Variants in PDS5B observed in about 807,000 individuals in gnomAD.
The protein encoded by PDS5B is sister chromatid cohesion protein PDS5 homolog B.
In PDS5B, 51 loss-of-function variants were observed where a neutral mutation model predicts 184.1. The observed-to-expected ratio is 0.28, with a 90% confidence interval of 0.22 to 0.35. PDS5B has a LOEUF of 0.35. PDS5B is among the 10% of genes least tolerant of loss of function. The pLI is 1.00. For missense variants in PDS5B, 1,180 were observed against 1,723.3 expected (o/e 0.68, Z 5.58); for synonymous variants, 566 against 569.2 (o/e 0.99, Z 0.08).
chr13:32,676,108 T>C, intron 9 of PDS5B, 149 bp downstream of exon 9: 1 of 562,904 alleles, frequency 1.8e-6, no homozygotes, highest in Non-Finnish European at 3.2e-6. Context: ...TGTTAATGAC[T>C]GGCTATATTT....
intron 24 of PDS5B, 71 bp from the exon 25 acceptor site, chr13:32,753,260 CA>C: frequency 1.6e-6 from 2 of 1,282,782 alleles, no homozygotes; most frequent in Non-Finnish European, 2.2e-6. Context: ...CTTAAAATAG[CA>C]AATTTTATAT....
In PDS5B at chr13:32,770,281, A is replaced by G; in HGVS notation, c.3785A>G (p.Gln1262Arg). ...RGHTASESDE[Q>R]QWPEEKRLKE... ...CATACGGCTTCAGAATCTGATGAAC[A>G]GCAGTGGCCTGAGGAAAAGAGGCTC... The change falls in exon 32 of 35, where the codon CAG becomes CGG. Residue 1262 changes from glutamine (Q) to arginine (R), a missense_variant. Transcript: ENST00000315596. 1 of 1,614,102 alleles carries G rather than the reference A, an allele frequency of 6.2e-7. No homozygotes were observed. The highest frequency in any genetic ancestry group is 8.5e-7 in the Non-Finnish European group (1 of 1,180,016).
At chr13:32,601,425 G>A (rs1195049652) in intron 1 of PDS5B, among the ~76,000 whole-genome samples, 1 of 152,152 alleles carries the variant, frequency 6.6e-6, no homozygotes, top group Non-Finnish European at 1.5e-5. Flanking sequence ...ATAAGAATAG[G>A]TTATTTGATG....
At chr13:32,599,178 TATAAC>T (rs775539869) in intron 1 of PDS5B, among the ~76,000 whole-genome samples, 2 of 152,262 alleles carry the variant, frequency 1.3e-5, no homozygotes, top group Non-Finnish European at 2.9e-5. Context: ...GTCATATAAA[TATAAC>T]ATTCATATTG....
chr13:32,612,870 C>G (rs985384697), intron 1 of PDS5B, among the ~76,000 whole-genome samples: 1 of 152,180 alleles, frequency 6.6e-6, no homozygotes, highest in African/African-American at 2.4e-5. Flanking sequence ...AATTTTCATT[C>G]ATTATGAATT....
chr13:32,750,821 C>G (rs897158243), intron 24 of PDS5B, among the ~76,000 whole-genome samples: 1 of 150,450 alleles, frequency 6.6e-6, no homozygotes, highest in African/African-American at 2.5e-5. Context: ...GAATTTCAGG[C>G]GTGAGCCACT....
At chr13:32,610,219 A>G (rs1222107195) in intron 1 of PDS5B, among the ~76,000 whole-genome samples, 1 of 152,230 alleles carries the variant, frequency 6.6e-6, no homozygotes, top group African/African-American at 2.4e-5. Flanking sequence ...AGGTACGTAT[A>G]GGTAATACTT....
At chr13:32,686,238 A>G (rs1275671622) in intron 11 of PDS5B, among the ~76,000 whole-genome samples, 1 of 152,236 alleles carries the variant, frequency 6.6e-6, no homozygotes, top group Admixed American at 6.5e-5. Flanking sequence ...CACTGTAACA[A>G]ATATACACTT....
At chr13:32,736,305 T>A (rs1953327105) in intron 21 of PDS5B, among the ~76,000 whole-genome samples, 1 of 152,116 alleles carries the variant, frequency 6.6e-6, no homozygotes, top group Non-Finnish European at 1.5e-5. Context: ...TTTTTTTTAG[T>A]TTGGATTTCC....
At position 32,628,604 on chromosome 13, in the gene PDS5B, AT is replaced by A. The variant is rs201681931; in HGVS notation, c.-19-20141del. ...ACTTCCCATTAATTTAATTATGTAG[AT>A]TTTTTTTTGGTGTTTTTTATTGCCC... On this transcript the variant is annotated intron_variant, in intron 1 of 34. Transcript: ENST00000315596. 9.5e-3 allele frequency among the ~76,000 whole-genome samples: 1,423 copies of A among 149,408 alleles called. 57 individuals are homozygous for A. The highest frequency in any genetic ancestry group is 0.075 in the Admixed American group (1,131 of 15,004).
intron 1 of PDS5B, among the ~76,000 whole-genome samples, chr13:32,627,544 T>A (rs2058388411): frequency 6.6e-6 from 1 of 151,948 alleles, no homozygotes; most frequent in South Asian, 2.1e-4. Flanking sequence ...AAGAAATATC[T>A]TTTTTCTAGC....
intron 1 of PDS5B, among the ~76,000 whole-genome samples, chr13:32,593,542 T>C (rs547957026): frequency 2.0e-5 from 3 of 152,314 alleles, no homozygotes; most frequent in South Asian, 4.1e-4. Context: ...GGTTTCGCCA[T>C]GTTGGCCAGA....
intron 3 of PDS5B, among the ~76,000 whole-genome samples, chr13:32,653,869 A>G (rs1950431703): frequency 6.6e-6 from 1 of 152,202 alleles, no homozygotes; most frequent in Admixed American, 6.5e-5. Context: ...AGTCTAACTT[A>G]AGACTGCTAC....
At chr13:32,773,142 C>A in intron 33 of PDS5B, 47 bp from the exon 34 acceptor site, 2 of 1,518,724 alleles carry the variant, frequency 1.3e-6, no homozygotes, top group Non-Finnish European at 8.9e-7. Context: ...AGGTAATCTA[C>A]TGAAAGATTG....
chr13:32,656,689 T>C (rs1257157501), intron 3 of PDS5B, among the ~76,000 whole-genome samples: 1 of 151,288 alleles, frequency 6.6e-6, no homozygotes, highest in Non-Finnish European at 1.5e-5. Context: ...CTTTGCCTCC[T>C]GGGTACAAGC....
intron 3 of PDS5B, among the ~76,000 whole-genome samples, chr13:32,655,218 A>C (rs1324318569): frequency 6.7e-6 from 1 of 150,272 alleles, no homozygotes; most frequent in East Asian, 2.0e-4. Flanking sequence ...TTTTAACAAT[A>C]GCCATTCTGA....
At chr13:32,603,956 C>G (rs943767739) in intron 1 of PDS5B, among the ~76,000 whole-genome samples, 29 of 152,296 alleles carry the variant, frequency 1.9e-4, no homozygotes, top group Non-Finnish European at 3.7e-4. Flanking sequence ...AGTTGCTTAT[C>G]AGCTTAAGGA....
intron 19 of PDS5B, among the ~76,000 whole-genome samples, chr13:32,720,375 T>C (rs1952628679): frequency 6.6e-6 from 1 of 152,182 alleles, no homozygotes; most frequent in South Asian, 2.1e-4. Flanking sequence ...TTAAAATGTG[T>C]ATAGTTTTTG....
At chr13:32,711,462 ATT>A (rs1952201192) in intron 19 of PDS5B, among the ~76,000 whole-genome samples, 1 of 152,052 alleles carries the variant, frequency 6.6e-6, no homozygotes, top group Admixed American at 6.5e-5. Flanking sequence ...GGTTCAAGCA[ATT>A]CTCCTGCCTC....
Sources: allele counts gnomAD v4.1 joint callset (sites outside exome capture counted in the v4.1 genomes callset), GRCh38; gene constraint gnomAD v4.1.1; transcripts MANE v1.5; gene names NCBI Gene and HGNC (gene_info 2026-07-23, HGNC 2026-07-21).